PDE4D: variants seen among roughly 807,000 people sequenced by gnomAD.
The protein encoded by PDE4D is phosphodiesterase 4D.
In PDE4D, 24 loss-of-function variants were observed where a neutral mutation model predicts 87.4. The ratio of observed to expected loss-of-function variants is 0.27; its 90% CI spans 0.20 to 0.39. PDE4D has a LOEUF of 0.39. PDE4D is among the 10% of genes least tolerant of loss of function. PDE4D has a pLI of 1.00. For synonymous variants in PDE4D, 384 were observed against 383.2 expected (o/e 1.00, Z -0.02); for missense variants, 714 against 1,041.0 (o/e 0.69, Z 4.32).
chr5:59,385,831 A>T (rs1786862522), intron 1 of PDE4D, among the ~76,000 whole-genome samples: 1 of 152,024 alleles, frequency 6.6e-6, no homozygotes, highest in South Asian at 2.1e-4. Flanking sequence ...ATTTCCCCAC[A>T]AACACCCTGC....
chr5:60,405,070 T>C (rs561036079), intron 1 of PDE4D, among the ~76,000 whole-genome samples: 1 of 152,364 alleles, frequency 6.6e-6, no homozygotes, highest in South Asian at 2.1e-4. Context: ...GGCTGACATC[T>C]GTCAGTTCTC....
chr5:59,243,340 T>C (rs181560737), intron 1 of PDE4D, among the ~76,000 whole-genome samples: 1 of 151,806 alleles, frequency 6.6e-6, no homozygotes, highest in African/African-American at 2.4e-5. Flanking sequence ...AACAAGAGTG[T>C]CGGACTAGAC....
At chr5:59,756,712 A>C (rs771174700) in intron 1 of PDE4D, among the ~76,000 whole-genome samples, 4 of 152,138 alleles carry the variant, frequency 2.6e-5, no homozygotes, top group Non-Finnish European at 5.9e-5. Context: ...TATGTTTCTC[A>C]ATCGATCAAA....
intron 1 of PDE4D, among the ~76,000 whole-genome samples, chr5:60,464,091 T>C (rs552066227): frequency 7.2e-5 from 11 of 152,284 alleles, no homozygotes; most frequent in African/African-American, 2.6e-4. Flanking sequence ...GTTAAATTAG[T>C]GATTCTCAAT....
intron 2 of PDE4D, among the ~76,000 whole-genome samples, chr5:60,151,514 T>C (rs1474307135): frequency 6.6e-6 from 1 of 152,224 alleles, no homozygotes; most frequent in African/African-American, 2.4e-5. Flanking sequence ...TTGATGTTAT[T>C]GTAGATAAAT....
At chr5:59,210,091 T>G (rs1749752401) in intron 2 of PDE4D, among the ~76,000 whole-genome samples, 1 of 152,246 alleles carries the variant, frequency 6.6e-6, no homozygotes, top group Admixed American at 6.5e-5. Context: ...ATGGTAGCTT[T>G]CTTTCTGTGG....
At position 60,369,328 on chromosome 5, in the gene PDE4D, C is replaced by T. The variant is rs192157656; in HGVS notation, c.-90+118614G>A. Among the ~76,000 whole-genome samples, 5 of 152,146 alleles carry T rather than the reference C, an allele frequency of 3.3e-5. No homozygotes were observed. The East Asian group carries it at 9.7e-4, about 30-fold the overall frequency. ...GGAATGGTGGGCAGCCCAGGGAAAC[C>T]GCCACCAGAACAAGGGGTACCATTA... On this transcript the variant is annotated intron_variant, in intron 1 of 16. Coordinates refer to the PDE4D transcript ENST00000502484.
At chr5:59,272,698 G>A (rs6877904) in intron 1 of PDE4D, among the ~76,000 whole-genome samples, 1 of 152,098 alleles carries the variant, frequency 6.6e-6, no homozygotes, top group African/African-American at 2.4e-5. Context: ...TAATTTTAAG[G>A]TTATTTGTAT....
intron 3 of PDE4D, among the ~76,000 whole-genome samples, chr5:59,923,918 A>T (rs1371636311): frequency 6.6e-6 from 1 of 152,246 alleles, no homozygotes; most frequent in Non-Finnish European, 1.5e-5. Context: ...CTGGAAAGAC[A>T]GAGATGTGTC....
intron 1 of PDE4D, among the ~76,000 whole-genome samples, chr5:59,886,492 G>T (rs1377727501): frequency 6.6e-6 from 1 of 150,604 alleles, no homozygotes; most frequent in African/African-American, 2.4e-5. Context: ...ACTCCAGCTC[G>T]GACGATAAAT....
intron 2 of PDE4D, among the ~76,000 whole-genome samples, chr5:60,046,294 C>T: frequency 6.6e-6 from 1 of 152,104 alleles, no homozygotes; most frequent in Non-Finnish European, 1.5e-5. Context: ...TCTAGATATA[C>T]AATCATGTCG....
At chr5:59,633,164 A>G (rs1312123738) in intron 1 of PDE4D, among the ~76,000 whole-genome samples, 1 of 152,196 alleles carries the variant, frequency 6.6e-6, no homozygotes, top group African/African-American at 2.4e-5. Context: ...TTAATGAAAT[A>G]AAGCATGAAG....
intron 5 of PDE4D, among the ~76,000 whole-genome samples, chr5:59,075,196 C>T (rs1030545334): frequency 2.7e-5 from 4 of 150,842 alleles, no homozygotes; most frequent in Admixed American, 2.0e-4. Flanking sequence ...TGGATGGAAA[C>T]CACCTAATGG....
intron 1 of PDE4D, among the ~76,000 whole-genome samples, chr5:60,296,946 T>C (rs1183736571): frequency 6.6e-6 from 1 of 150,524 alleles, no homozygotes; most frequent in African/African-American, 2.4e-5. Context: ...TGTCGGGAGG[T>C]GGGGGGCAAG....
At chr5:59,116,846 AT>A (rs1219673092) in intron 5 of PDE4D, among the ~76,000 whole-genome samples, 1 of 152,208 alleles carries the variant, frequency 6.6e-6, no homozygotes, top group Non-Finnish European at 1.5e-5. Context: ...ATGTGCTACT[AT>A]GATAGACGTC....
intron 1 of PDE4D, among the ~76,000 whole-genome samples, chr5:60,508,387 C>T (rs1255626389): frequency 1.3e-5 from 2 of 152,154 alleles, no homozygotes; most frequent in Non-Finnish European, 2.9e-5. Context: ...AACACATTTG[C>T]CAGTAAACAC....
At chr5:59,857,044 C>A (rs777527890) in intron 1 of PDE4D, among the ~76,000 whole-genome samples, 1 of 152,114 alleles carries the variant, frequency 6.6e-6, no homozygotes, top group Non-Finnish European at 1.5e-5. Context: ...CCCAAACAAT[C>A]TCTTCGTCAT....
intron 2 of PDE4D, among the ~76,000 whole-genome samples, chr5:60,133,276 A>G (rs897320744): frequency 3.9e-5 from 6 of 152,114 alleles, no homozygotes; most frequent in African/African-American, 1.4e-4. Context: ...AGACACCTAG[A>G]TATGGGTTAG....
intron 1 of PDE4D, among the ~76,000 whole-genome samples, chr5:59,431,462 C>T (rs758223271): frequency 2.0e-5 from 3 of 151,904 alleles, no homozygotes; most frequent in Non-Finnish European, 2.9e-5. Flanking sequence ...TGAATAGACA[C>T]GCCAGTTTAT....
Sources: allele counts gnomAD v4.1 joint callset (sites outside exome capture counted in the v4.1 genomes callset), GRCh38; gene constraint gnomAD v4.1.1; transcripts MANE v1.5; gene names NCBI Gene and HGNC (gene_info 2026-07-23, HGNC 2026-07-21).